Variants in VEZT observed in about 807,000 individuals in gnomAD.
VEZT encodes the protein vezatin, adherens junctions transmembrane protein.
VEZT carries 39 observed loss-of-function variants against 79.9 expected under a neutral mutation model. That is an observed-to-expected ratio of 0.49 (90% CI 0.38 to 0.64). The LOEUF (loss-of-function observed/expected upper bound fraction) is 0.64, where lower values mean the gene tolerates loss of function less well. VEZT is among the 30% of genes least tolerant of loss of function. VEZT has a pLI of 0.00. For missense variants in VEZT, 837 were observed against 893.1 expected (o/e 0.94, Z 0.80); for synonymous variants, 325 against 327.6 (o/e 0.99, Z 0.09).
intron 1 of VEZT, among the ~76,000 whole-genome samples, chr12:95,250,951 A>G (rs1449216384): frequency 6.6e-6 from 1 of 152,148 alleles, no homozygotes; most frequent in African/African-American, 2.4e-5. Flanking sequence ...AAAGGATTAT[A>G]AATTTCCTGG....
chr12:95,292,483 T>C (rs1351852861), intron 9 of VEZT, among the ~76,000 whole-genome samples: 1 of 152,190 alleles, frequency 6.6e-6, no homozygotes, highest in Non-Finnish European at 1.5e-5. Context: ...GCACTTTTCA[T>C]GTATTCTTTT....
intron 8 of VEZT, among the ~76,000 whole-genome samples, chr12:95,287,343 G>A (rs77673564): frequency 0.067 from 10,150 of 151,486 alleles, 450 homozygotes; most frequent in Middle Eastern, 0.12. Flanking sequence ...TAATTGAGAT[G>A]GGATTTCACT....
At chr12:95,294,659 G>A (rs1223096535) in intron 10 of VEZT, among the ~76,000 whole-genome samples, 2 of 152,116 alleles carry the variant, frequency 1.3e-5, no homozygotes, top group Non-Finnish European at 2.9e-5. Context: ...AGCAGTTACT[G>A]GTATGTGTAC....
At chr12:95,251,855 A>T (rs1421570637) in intron 1 of VEZT, 85 bp from the exon 2 acceptor site, 2 of 1,303,760 alleles carry the variant, frequency 1.5e-6, no homozygotes, top group African/African-American at 1.5e-5. Context: ...TGGTCACAAT[A>T]GTGAAGTCTG....
intron 1 of VEZT, among the ~76,000 whole-genome samples, chr12:95,237,463 C>T (rs1174349821): frequency 2.0e-5 from 3 of 152,080 alleles, no homozygotes; most frequent in Non-Finnish European, 2.9e-5. Flanking sequence ...AATTGTGCAT[C>T]TGGGTAGTAT....
At chr12:95,232,084 T>C (rs913962412) in intron 1 of VEZT, among the ~76,000 whole-genome samples, 1 of 152,234 alleles carries the variant, frequency 6.6e-6, no homozygotes, top group Non-Finnish European at 1.5e-5. Context: ...TAATCCTTTT[T>C]AGTGGTATTT....
Position 95,296,207 on chromosome 12 carries a change from G to T in VEZT, c.1780G>T (p.Ala594Ser). 6.3e-7 allele frequency: 1 copy of T among 1,588,266 alleles called. No individual in the cohort carries two copies. The change falls in exon 11 of 12, where the codon GCT becomes TCT. Residue 594 changes from alanine (A) to serine (S), a missense_variant. Physicochemically the swap from Ala to Ser is moderately conservative, Grantham distance 99. Transcript: ENST00000436874. ...QELKSVLGFK[A>S]SEAERQKWKQ... Reference sequence around the variant, plus strand: ...ATTAAAATCTGTGCTGGGATTTAAAGCTTCAGAGGCAGAAAGGCAGAAGTG... The same window carrying T: ...ATTAAAATCTGTGCTGGGATTTAAATCTTCAGAGGCAGAAAGGCAGAAGTG...
intron 1 of VEZT, among the ~76,000 whole-genome samples, chr12:95,225,093 G>A (rs1453049737): frequency 6.6e-6 from 1 of 152,200 alleles, no homozygotes; most frequent in African/African-American, 2.4e-5. Context: ...TACCAGTGCT[G>A]TGCAGGCCTG....
chr12:95,260,845 G>A (rs558779965), intron 3 of VEZT, among the ~76,000 whole-genome samples: 3 of 152,202 alleles, frequency 2.0e-5, no homozygotes, highest in South Asian at 4.1e-4. Context: ...ATAGTATAAA[G>A]TGAGTTGTGT....
intron 3 of VEZT, among the ~76,000 whole-genome samples, chr12:95,261,302 T>A (rs978297891): frequency 1.2e-4 from 19 of 152,218 alleles, no homozygotes; most frequent in African/African-American, 3.9e-4. Flanking sequence ...ACCCTAGACC[T>A]AACAGGTTTT....
At chr12:95,229,370 A>AT (rs1235550233) in intron 1 of VEZT, among the ~76,000 whole-genome samples, 2 of 152,070 alleles carry the variant, frequency 1.3e-5, no homozygotes, top group Admixed American at 6.6e-5. Flanking sequence ...GAAGGTTTTC[A>AT]TTTTTTTAAA....
chr12:95,241,518 G>C (rs1054413389), intron 1 of VEZT, among the ~76,000 whole-genome samples: 1 of 151,858 alleles, frequency 6.6e-6, no homozygotes, highest in East Asian at 1.9e-4. Context: ...TATTACCTAG[G>C]ATAGTCTCAA....
intron 11 of VEZT, chr12:95,299,235 C>T (rs919330492): frequency 1.3e-5 from 2 of 154,742 alleles, no homozygotes; most frequent in African/African-American, 4.8e-5. Flanking sequence ...TTTACAAAAA[C>T]GTTTTTTAAA....
intron 1 of VEZT, among the ~76,000 whole-genome samples, chr12:95,225,622 C>G (rs927341462): frequency 5.9e-5 from 9 of 152,004 alleles, no homozygotes; most frequent in Non-Finnish European, 1.0e-4. Context: ...AATAACCTAA[C>G]AAAGTGATAC....
chr12:95,284,923 A>C (rs1286904303), intron 8 of VEZT, among the ~76,000 whole-genome samples: 1 of 152,016 alleles, frequency 6.6e-6, no homozygotes. Context: ...ATCTCTACTA[A>C]AAATACAAAA....
chr12:95,298,417 T>C (rs1192702097), intron 11 of VEZT, among the ~76,000 whole-genome samples: 1 of 152,180 alleles, frequency 6.6e-6, no homozygotes, highest in Non-Finnish European at 1.5e-5. Context: ...ACATCAGAGA[T>C]TAATTTTAGG....
At chr12:95,265,720 A>G (rs1444546067) in intron 4 of VEZT, among the ~76,000 whole-genome samples, 1 of 152,076 alleles carries the variant, frequency 6.6e-6, no homozygotes, top group Non-Finnish European at 1.5e-5. Flanking sequence ...AGAAGTAACT[A>G]TTTCAAGCTT....
At chr12:95,288,922 A>G (rs573585665) in intron 9 of VEZT, among the ~76,000 whole-genome samples, 4 of 151,954 alleles carry the variant, frequency 2.6e-5, no homozygotes, top group African/African-American at 9.6e-5. Flanking sequence ...TTGTTAAAAG[A>G]TGCATCCTGG....
At chr12:95,222,646 A>G (rs1269683665) in intron 1 of VEZT, among the ~76,000 whole-genome samples, 2 of 152,170 alleles carry the variant, frequency 1.3e-5, no homozygotes, top group Non-Finnish European at 2.9e-5. Context: ...ATATTTCCAT[A>G]TAAATTTTAG....
Sources: allele counts gnomAD v4.1 joint callset (sites outside exome capture counted in the v4.1 genomes callset), GRCh38; gene constraint gnomAD v4.1.1; transcripts MANE v1.5; gene names NCBI Gene and HGNC (gene_info 2026-07-23, HGNC 2026-07-21).